The following EPHB1 variants were observed in gnomAD, a reference collection of about 807,000 sequenced individuals.
EPHB1 encodes the protein ephrin type-B receptor 1.
Under a neutral mutation model 94.4 loss-of-function variants are expected in EPHB1, and 30 were observed. The observed-to-expected ratio is 0.32, with a 90% CI of 0.24 to 0.43. The LOEUF (loss-of-function observed/expected upper bound fraction) is 0.43. Ranked by LOEUF, EPHB1 falls within the 20% of genes least tolerant of loss-of-function variation. The probability of loss-of-function intolerance (pLI) is 1.00; values close to 1 mark genes in which losing one functional copy is unlikely to be tolerated. For missense variants in EPHB1, 1,055 were observed against 1,308.3 expected, an observed-to-expected ratio of 0.81 and a Z score of 2.99; for synonymous variants, 522 against 489.1, an observed-to-expected ratio of 1.07 and a Z score of -0.89.
chr3:134,890,131 C>A (rs1009642688), intron 1 of EPHB1, among the ~76,000 whole-genome samples: 2 of 152,144 alleles, frequency 1.3e-5, no homozygotes, highest in South Asian at 2.1e-4. Context: ...GTCACTACCC[C>A]CCCTTCCACC....
intron 3 of EPHB1, among the ~76,000 whole-genome samples, chr3:135,044,116 G>A (rs1936928792): frequency 6.6e-6 from 1 of 152,164 alleles, no homozygotes; most frequent in Admixed American, 6.5e-5. Context: ...AACTTAAGGG[G>A]AATAAAAAGA....
chr3:134,795,589 T>G lies in EPHB1; in HGVS notation c.-43T>G. The G allele has an allele frequency of 6.3e-7, 1 of 1,592,856 alleles. No homozygotes were observed. The highest frequency in any genetic ancestry group is 8.6e-7 in the Non-Finnish European group (1 of 1,169,332). On this transcript the variant is annotated 5_prime_UTR_variant, in exon 1 of 16. Transcript: ENST00000398015. The stretch of plus-strand genomic sequence containing the variant: ...CTGGGACGCGGCGCTCTCCCGGCGC[T>G]GCTGCCTCGGCTTGGTCTCGGCCTG...
chr3:134,991,821 C>T (rs1934813448), intron 3 of EPHB1, among the ~76,000 whole-genome samples: 1 of 152,194 alleles, frequency 6.6e-6, no homozygotes, highest in Non-Finnish European at 1.5e-5. Flanking sequence ...GTCATGTCCC[C>T]AGGGAGTCTT....
At chr3:134,877,283 G>T (rs537291077) in intron 1 of EPHB1, among the ~76,000 whole-genome samples, 3 of 152,308 alleles carry the variant, frequency 2.0e-5, no homozygotes, top group Admixed American at 2.0e-4. Context: ...GCTTCAGATG[G>T]TAATGCAGTG....
intron 5 of EPHB1, among the ~76,000 whole-genome samples, chr3:135,144,206 G>T (rs1940932240): frequency 1.3e-5 from 2 of 152,260 alleles, no homozygotes; most frequent in South Asian, 4.2e-4. Flanking sequence ...TAACCTCTGG[G>T]GACTTGGGGA....
intron 3 of EPHB1, among the ~76,000 whole-genome samples, chr3:135,045,836 A>G (rs1055018066): frequency 4.6e-5 from 7 of 152,240 alleles, no homozygotes; most frequent in African/African-American, 1.7e-4. Flanking sequence ...TTAATGCAAT[A>G]TTAATGCAAA....
chr3:134,877,259 C>T (rs774709781), intron 1 of EPHB1, among the ~76,000 whole-genome samples: 8 of 152,134 alleles, frequency 5.3e-5, no homozygotes, highest in Non-Finnish European at 1.2e-4. Flanking sequence ...AGACAGGACA[C>T]CTGGAGAGCC....
chr3:135,108,111 C>T (rs1433928722), intron 4 of EPHB1, among the ~76,000 whole-genome samples: 9 of 152,186 alleles, frequency 5.9e-5, no homozygotes, highest in African/African-American at 2.2e-4. Flanking sequence ...TGAAAACGCT[C>T]CTTTCCATTC....
intron 4 of EPHB1, among the ~76,000 whole-genome samples, chr3:135,118,010 C>G (rs777827059): frequency 1.3e-5 from 2 of 152,180 alleles, no homozygotes; most frequent in Non-Finnish European, 2.9e-5. Flanking sequence ...TGCCAGTACT[C>G]CATGAGCAAT....
intron 3 of EPHB1, among the ~76,000 whole-genome samples, chr3:134,959,130 A>G (rs776657977): frequency 7.2e-5 from 11 of 152,172 alleles, no homozygotes; most frequent in South Asian, 2.1e-4. Context: ...TCATATGGTT[A>G]TTACTGAGGT....
chr3:135,089,621 C>T (rs932269970), intron 3 of EPHB1, among the ~76,000 whole-genome samples: 1 of 152,126 alleles, frequency 6.6e-6, no homozygotes, highest in African/African-American at 2.4e-5. Context: ...CTGGCCTGAC[C>T]GTAAAGCCTG....
intron 1 of EPHB1, among the ~76,000 whole-genome samples, chr3:134,908,518 A>G (rs561909620): frequency 2.0e-5 from 3 of 152,212 alleles, no homozygotes; most frequent in Admixed American, 6.5e-5. Flanking sequence ...TGAGTTCCCA[A>G]GTGAACCCAC....
At chr3:135,013,238 A>G (rs1003525505) in intron 3 of EPHB1, among the ~76,000 whole-genome samples, 1 of 152,218 alleles carries the variant, frequency 6.6e-6, no homozygotes, top group African/African-American at 2.4e-5. Context: ...CCCTCTCAGG[A>G]CCTTAGTAAC....
intron 3 of EPHB1, among the ~76,000 whole-genome samples, chr3:135,047,381 A>G (rs936253493): frequency 6.6e-6 from 1 of 152,206 alleles, no homozygotes; most frequent in African/African-American, 2.4e-5. Context: ...TGAGTTTCCC[A>G]GTGTCATACT....
At chr3:135,046,359 A>G (rs1202265782) in intron 3 of EPHB1, among the ~76,000 whole-genome samples, 2 of 152,108 alleles carry the variant, frequency 1.3e-5, no homozygotes, top group African/African-American at 2.4e-5. Context: ...CTCCTTGAGG[A>G]TCTCTTCTTC....
intron 12 of EPHB1, among the ~76,000 whole-genome samples, chr3:135,225,266 T>C (rs1309962212): frequency 6.6e-6 from 1 of 152,096 alleles, no homozygotes; most frequent in African/African-American, 2.4e-5. Context: ...TATCTCCCAA[T>C]CCTTGGGAGA....
chr3:135,248,709 A>G (rs1943988829), intron 14 of EPHB1, among the ~76,000 whole-genome samples, 200 bp downstream of exon 14: 1 of 152,132 alleles, frequency 6.6e-6, no homozygotes, highest in Admixed American at 6.6e-5. Context: ...ATAGTGTCTT[A>G]AATCAGGATA....
intron 3 of EPHB1, among the ~76,000 whole-genome samples, chr3:135,104,311 G>T (rs146014360): frequency 6.6e-6 from 1 of 152,358 alleles, no homozygotes; most frequent in East Asian, 1.9e-4. Flanking sequence ...GAGAGGGACC[G>T]TAATGAGTGG....
chr3:135,000,171 G>A (rs552692368), intron 3 of EPHB1, among the ~76,000 whole-genome samples: 5 of 152,356 alleles, frequency 3.3e-5, no homozygotes, highest in South Asian at 2.1e-4. Flanking sequence ...TAAGAAAGCT[G>A]CATGTGAAAA....
Sources: allele counts gnomAD v4.1 joint callset (sites outside exome capture counted in the v4.1 genomes callset), GRCh38; gene constraint gnomAD v4.1.1; transcripts MANE v1.5; gene names NCBI Gene and HGNC (gene_info 2026-07-23, HGNC 2026-07-21).